The following PCBP3 variants were observed in gnomAD, a reference collection of about 807,000 sequenced individuals.
PCBP3 encodes the protein poly(rC)-binding protein 3.
In PCBP3, 25 loss-of-function variants were observed where a neutral mutation model predicts 52.7. That is an observed-to-expected ratio of 0.47 (90% confidence interval 0.35 to 0.66). The LOEUF (loss-of-function observed/expected upper bound fraction) is 0.66. PCBP3 is among the 30% of genes least tolerant of loss of function. The pLI is 0.01. For synonymous variants in PCBP3, 162 were observed against 183.0 expected (o/e 0.89, Z 0.93); for missense variants, 391 against 490.3 (o/e 0.80, Z 1.91).
chr21:45,819,072 T>C (rs2093050081), intron 4 of PCBP3, among the ~76,000 whole-genome samples: 2 of 152,212 alleles, frequency 1.3e-5, no homozygotes, highest in Admixed American at 1.3e-4. Flanking sequence ...CGGGTGATGC[T>C]GTAATGGTGG....
chr21:45,740,270 G>A (rs749983341), intron 3 of PCBP3, among the ~76,000 whole-genome samples: 14 of 152,304 alleles, frequency 9.2e-5, no homozygotes, highest in South Asian at 2.1e-4. Flanking sequence ...GACTTGCCCC[G>A]CTGTGTGGTC....
In PCBP3 at chr21:45,684,703, A is replaced by G. The variant is rs528961695; in HGVS notation, c.-200+15751A>G. On this transcript the variant is annotated intron_variant, in intron 2 of 17. Coordinates refer to ENST00000681687, the MANE Select transcript of PCBP3 (RefSeq NM_001384156.1). ...CAGAGGCCAAGCAGATGCTGGTGCCATGATTGTACAGCCCGCAGAGCCATG... is the reference window on the plus strand; with the variant it reads ...CAGAGGCCAAGCAGATGCTGGTGCCGTGATTGTACAGCCCGCAGAGCCATG... 1.7e-3 allele frequency among the ~76,000 whole-genome samples: 262 copies of G among 152,296 alleles called. 1 individual carries two copies. Among genetic ancestry groups the G allele is most frequent in the Non-Finnish European group, 3.0e-3 (205 of 68,008 alleles).
At chr21:45,694,655 A>G (rs1328490267) in intron 2 of PCBP3, among the ~76,000 whole-genome samples, 1 of 152,228 alleles carries the variant, frequency 6.6e-6, no homozygotes, top group East Asian at 1.9e-4. Flanking sequence ...AAATTTGTAA[A>G]TAAATTTAGC....
At chr21:45,699,490 A>G (rs1398601691) in intron 2 of PCBP3, among the ~76,000 whole-genome samples, 1 of 152,230 alleles carries the variant, frequency 6.6e-6, no homozygotes, top group Non-Finnish European at 1.5e-5. Flanking sequence ...AAGAGGCAGT[A>G]AGAGAGTCCA....
intron 4 of PCBP3, among the ~76,000 whole-genome samples, chr21:45,789,697 T>C (rs1403154266): frequency 6.6e-6 from 1 of 152,158 alleles, no homozygotes; most frequent in African/African-American, 2.4e-5. Context: ...TTTGTGGTCC[T>C]GTGGCGTCCT....
intron 11 of PCBP3, 29 bp downstream of exon 11, chr21:45,911,059 C>T (rs768524877): frequency 3.1e-6 from 5 of 1,603,716 alleles, no homozygotes; most frequent in African/African-American, 2.7e-5. Flanking sequence ...GGCCAGCCCA[C>T]GTCAGTGCTG....
At chr21:45,793,237 G>A (rs528791253) in intron 4 of PCBP3, among the ~76,000 whole-genome samples, 1 of 152,312 alleles carries the variant, frequency 6.6e-6, no homozygotes, top group South Asian at 2.1e-4. Context: ...GGCACAGCCA[G>A]GAAAGCAGGA....
At chr21:45,863,923 G>T (rs1281371293) in intron 5 of PCBP3, among the ~76,000 whole-genome samples, 1 of 152,210 alleles carries the variant, frequency 6.6e-6, no homozygotes, top group Non-Finnish European at 1.5e-5. Context: ...GCGTTACGAT[G>T]AAAAAGCGGA....
chr21:45,705,698 T>C (rs114038846), intron 2 of PCBP3, among the ~76,000 whole-genome samples: 3,546 of 152,316 alleles, frequency 0.023, 145 homozygotes, highest in African/African-American at 0.081. Flanking sequence ...ATAGTAAATA[T>C]TTCAGGCATG....
rs201731304 is a variant in PCBP3, at chr21:45,911,036, G to A, written c.600+6G>A. The A allele has an allele frequency of 4.3e-4, 693 of 1,608,430 alleles. 2 individuals are homozygous for A. In the African/African-American group the frequency reaches 7.8e-3, roughly 18 times the overall value. On this transcript the variant is annotated splice_donor_region_variant and intron_variant, in intron 11 of 17. Transcript: ENST00000681687. ...TCTGTGTGGTCATGCTGGAGGTACC[G>A]TCTGCGCGCCAGGGCCAGCCCACGT... is the stretch of plus-strand genomic sequence containing the variant.
rs932058106 is a variant in PCBP3 at position 45,656,171 on chromosome 21, C to G, written c.-279+12303C>G. ...TATACCCAAAGGATTATAAATCATTCTACTGTAAATACACATGCATGCATA... is the reference window on the plus strand; with the variant it reads ...TATACCCAAAGGATTATAAATCATTGTACTGTAAATACACATGCATGCATA... On this transcript the variant is annotated intron_variant, in intron 1 of 17. Coordinates refer to ENST00000681687, the MANE Select transcript of PCBP3 (RefSeq NM_001384156.1). This position sits in a 1 kb window ranked among gnomAD's most constrained non-coding sequence, Gnocchi z 4.3. 3.9e-5 allele frequency among the ~76,000 whole-genome samples: 6 copies of G among 152,206 alleles called. No individual in the cohort carries two copies. Among genetic ancestry groups the G allele is most frequent in the Admixed American group, 1.3e-4 (2 of 15,276 alleles).
At chr21:45,877,306 C>T (rs2095285808) in intron 5 of PCBP3, among the ~76,000 whole-genome samples, 1 of 152,204 alleles carries the variant, frequency 6.6e-6, no homozygotes, top group African/African-American at 2.4e-5. Context: ...TGTGTTAGGA[C>T]AGCCTGGATT....
chr21:45,781,695 T>C (rs1389152382), intron 4 of PCBP3, among the ~76,000 whole-genome samples: 1 of 152,264 alleles, frequency 6.6e-6, no homozygotes, highest in African/African-American at 2.4e-5. Flanking sequence ...TAGCAATTTG[T>C]TCATATTGCA....
At chr21:45,652,070 C>A (rs372108369) in intron 1 of PCBP3, among the ~76,000 whole-genome samples, 2 of 152,142 alleles carry the variant, frequency 1.3e-5, no homozygotes, top group African/African-American at 2.4e-5. Flanking sequence ...TTTGTAAATC[C>A]TTTTCTACTC....
chr21:45,768,805 G>A (rs1340051534), intron 4 of PCBP3, among the ~76,000 whole-genome samples: 1 of 152,232 alleles, frequency 6.6e-6, no homozygotes, highest in Non-Finnish European at 1.5e-5. Flanking sequence ...GGCTGAGGAC[G>A]TGCTGTGCCT....
chr21:45,901,715 G>GAA (rs2096055824), intron 9 of PCBP3: 2 of 132,126 alleles, frequency 1.5e-5, no homozygotes, highest in African/African-American at 3.9e-5. Context: ...GGAAGACAGA[G>GAA]AGAGAGAGAT....
chr21:45,663,022 T>TA (rs1890721793), intron 1 of PCBP3, among the ~76,000 whole-genome samples: 1 of 152,226 alleles, frequency 6.6e-6, no homozygotes, highest in South Asian at 2.1e-4. Flanking sequence ...CTCCCTGTGA[T>TA]ACTGTGCTTC....
At chr21:45,720,139 A>G (rs1229623552) in intron 2 of PCBP3, among the ~76,000 whole-genome samples, 1 of 152,192 alleles carries the variant, frequency 6.6e-6, no homozygotes, top group Non-Finnish European at 1.5e-5. Flanking sequence ...TTACATAGGT[A>G]TACGTCTGCC....
intron 8 of PCBP3, 94 bp from the exon 9 acceptor site, chr21:45,900,903 G>A (rs2096017126): frequency 3.6e-6 from 3 of 830,632 alleles, no homozygotes; most frequent in African/African-American, 3.3e-5. Flanking sequence ...ACAGAGGCAT[G>A]TGTTTGTGTC....
Sources: gnomAD v4.1 joint callset for allele counts (sites outside exome capture counted in the v4.1 genomes callset) on GRCh38, gnomAD v4.1.1 for gene constraint, Gnocchi (gnomAD v3.1) non-coding constraint, MANE v1.5 for transcripts, NCBI Gene and HGNC (gene_info 2026-07-23, HGNC 2026-07-21) for gene names.